The following MICU1 variants were observed in gnomAD, a reference collection of about 807,000 sequenced individuals.
MICU1 encodes calcium uptake protein 1, mitochondrial.
In MICU1, 45 loss-of-function variants were observed where a neutral mutation model predicts 56.8. That is an observed-to-expected ratio of 0.79 (90% CI 0.62 to 1.02). The LOEUF (loss-of-function observed/expected upper bound fraction) is 1.02. Among genes scored for constraint, MICU1 ranks in the 50% least tolerant of loss-of-function variants. The probability of loss-of-function intolerance (pLI) is 0.00; values close to 1 mark genes in which losing one functional copy is unlikely to be tolerated. For missense variants in MICU1, 504 were observed against 587.1 expected (o/e 0.86, Z 1.46); for synonymous variants, 186 against 195.1 (o/e 0.95, Z 0.39).
At chr10:72,553,861 G>C (rs1340967153) in intron 3 of MICU1, among the ~76,000 whole-genome samples, 1 of 151,896 alleles carries the variant, frequency 6.6e-6, no homozygotes, top group Non-Finnish European at 1.5e-5. Flanking sequence ...ACTTAGCATT[G>C]TACCTTAGCC....
At chr10:72,382,135 C>T (rs1289932333) in intron 10 of MICU1, among the ~76,000 whole-genome samples, 1 of 150,542 alleles carries the variant, frequency 6.6e-6, no homozygotes, top group Non-Finnish European at 1.5e-5. Context: ...TTTTTTGAGA[C>T]AGTCTTGCTC....
Position 72,587,323 on chromosome 10 carries a change from C to T in MICU1, c.-1-20529G>A, listed in dbSNP as rs117962237. 6.6e-4 allele frequency among the ~76,000 whole-genome samples: 100 copies of T among 151,862 alleles called. 2 individuals carry two copies. In the East Asian group the frequency reaches 0.017, roughly 26 times the overall value. ...CATTTACAAAAAATAAAAAATTAGC[C>T]AAGCATGGTGGTGTGTGCCTGTAGT... is the stretch of plus-strand genomic sequence containing the variant. On this transcript the variant is annotated intron_variant, in intron 1 of 11. Transcript: ENST00000361114.
chr10:72,577,514 A>G (rs1245421440), intron 1 of MICU1, among the ~76,000 whole-genome samples: 1 of 151,652 alleles, frequency 6.6e-6, no homozygotes, highest in Non-Finnish European at 1.5e-5. Flanking sequence ...CGTCTCAAAA[A>G]AAAAAAAAAA....
At chr10:72,463,272 A>G (rs575173777) in intron 8 of MICU1, among the ~76,000 whole-genome samples, 5 of 152,196 alleles carry the variant, frequency 3.3e-5, no homozygotes, top group Non-Finnish European at 5.9e-5. Context: ...CATGTTGGTC[A>G]GGCTGGTCTC....
intron 10 of MICU1, among the ~76,000 whole-genome samples, chr10:72,396,299 CAA>C (rs1863256093): frequency 6.6e-6 from 1 of 152,182 alleles, no homozygotes; most frequent in South Asian, 2.1e-4. Flanking sequence ...CATCAAAGAC[CAA>C]AGGTAGATGA....
intron 5 of MICU1, chr10:72,533,285 G>T: frequency 8.0e-6 from 4 of 498,164 alleles, no homozygotes; most frequent in Non-Finnish European, 9.3e-6. Context: ...AATAAGTATA[G>T]TGCAAACTTA....
At chr10:72,392,036 T>G (rs887167494) in intron 10 of MICU1, 14 of 152,324 alleles carry the variant, frequency 9.2e-5, no homozygotes, top group Admixed American at 9.2e-4. Flanking sequence ...TGTGCAAGGA[T>G]GACACACAAA....
At chr10:72,476,226 C>CAA (rs71018297) in intron 7 of MICU1, among the ~76,000 whole-genome samples, 5,557 of 73,248 alleles carry the variant, frequency 0.076, 395 homozygotes, top group African/African-American at 0.14. Context: ...GACTCCATCT[C>CAA]AAAAAAAAAA....
intron 9 of MICU1, among the ~76,000 whole-genome samples, chr10:72,419,798 T>C (rs1373369479): frequency 1.3e-5 from 2 of 152,180 alleles, no homozygotes; most frequent in Non-Finnish European, 2.9e-5. Flanking sequence ...CAGAAGTTAG[T>C]CTCAAGTTTT....
chr10:72,435,543 A>T (rs1293891414), intron 8 of MICU1, among the ~76,000 whole-genome samples: 1 of 152,076 alleles, frequency 6.6e-6, no homozygotes, highest in African/African-American at 2.4e-5. Flanking sequence ...GACTGGTTGG[A>T]TAGTGGGGGC....
chr10:72,551,482 GT>G lies in MICU1; in HGVS notation c.331-142del, dbSNP rs1433899687. Reference sequence around the variant, plus strand: ...ATTCTATCATTTTTTTCTATACTTAGTTTTTTAATATTACAAATGAATACCA... The same window carrying G: ...ATTCTATCATTTTTTTCTATACTTAGTTTTTAATATTACAAATGAATACCA... On this transcript the variant is annotated intron_variant, in intron 3 of 11. Coordinates refer to ENST00000361114, the MANE Select transcript of MICU1 (RefSeq NM_001195518.2). The G allele has an allele frequency of 5.5e-6, 3 of 545,368 alleles. No homozygotes were observed. In the South Asian group the frequency reaches 2.2e-4, roughly 39 times the overall value. The allele number at this position is 545,368 out of a possible 1,614,324, so 33.8% of individuals were successfully genotyped here. A position where few individuals can be genotyped will look rare whatever the true frequency, so the allele number is the denominator to read the frequency against.
chr10:72,392,372 C>T (rs372530274), intron 10 of MICU1, among the ~76,000 whole-genome samples: 2 of 152,098 alleles, frequency 1.3e-5, no homozygotes, highest in East Asian at 3.9e-4. Context: ...GAGTTCAAGA[C>T]CAGCCTGGCC....
Position 72,375,873 on chromosome 10 carries a change from C to T in MICU1, c.1181-1G>A. ...GTCCTGGCCACCTGCTGCATGGTCACTGAAAAAAGAAAGAGGTGCATTAGC... is the reference window on the plus strand; with the variant it reads ...GTCCTGGCCACCTGCTGCATGGTCATTGAAAAAAGAAAGAGGTGCATTAGC... On this transcript the variant is annotated splice_acceptor_variant, in intron 10 of 11. Transcript: ENST00000361114. LOFTEE classifies it high-confidence loss of function. 1 of 1,611,840 alleles carries T rather than the reference C, an allele frequency of 6.2e-7. No individual in the cohort carries two copies. Among genetic ancestry groups the T allele is most frequent in the African/African-American group, 1.3e-5 (1 of 74,950 alleles).
At chr10:72,542,818 C>T (rs769614274) in intron 4 of MICU1, among the ~76,000 whole-genome samples, 5 of 152,114 alleles carry the variant, frequency 3.3e-5, no homozygotes, top group Non-Finnish European at 4.4e-5. Context: ...AAATTGAGGT[C>T]GCACGAACAA....
chr10:72,599,664 G>A (rs1264385232), intron 1 of MICU1, among the ~76,000 whole-genome samples: 1 of 152,118 alleles, frequency 6.6e-6, no homozygotes, highest in Admixed American at 6.5e-5. Context: ...CCCAAAACCT[G>A]CCTCCATCCT....
intron 4 of MICU1, among the ~76,000 whole-genome samples, chr10:72,547,932 C>T (rs546032003): frequency 1.1e-4 from 17 of 152,296 alleles, no homozygotes; most frequent in African/African-American, 4.1e-4. Context: ...GCTCAACTCC[C>T]CTTAGCCCAT....
chr10:72,598,623 A>C (rs1039866429), intron 1 of MICU1, among the ~76,000 whole-genome samples: 1 of 152,110 alleles, frequency 6.6e-6, no homozygotes, highest in Non-Finnish European at 1.5e-5. Context: ...TACCCATAAA[A>C]AGAGAATAAC....
intron 4 of MICU1, among the ~76,000 whole-genome samples, chr10:72,543,404 T>C (rs945901755): frequency 1.3e-5 from 2 of 152,156 alleles, no homozygotes; most frequent in East Asian, 3.8e-4. Flanking sequence ...ATAGGGCCTA[T>C]AGGCTCACAC....
chr10:72,446,194 T>C (rs1865097792), intron 8 of MICU1, among the ~76,000 whole-genome samples: 3 of 152,176 alleles, frequency 2.0e-5, no homozygotes, highest in South Asian at 4.1e-4. Context: ...TAGACTTCCA[T>C]GATTCAGAGT....
Sources: allele counts gnomAD v4.1 joint callset (sites outside exome capture counted in the v4.1 genomes callset), GRCh38; gene constraint gnomAD v4.1.1; transcripts MANE v1.5; gene names NCBI Gene and HGNC (gene_info 2026-07-23, HGNC 2026-07-21).